Variants in MRE11 observed in about 807,000 individuals in gnomAD.
MRE11 encodes MRE11 double strand break repair nuclease.
A neutral mutation model predicts 91.7 loss-of-function variants in MRE11; 62 were observed. That is an observed-to-expected ratio of 0.68 (90% CI 0.55 to 0.84). The LOEUF is 0.84. Among genes scored for constraint, MRE11 ranks in the 40% least tolerant of loss-of-function variants. The probability of loss-of-function intolerance (pLI) is 0.00; values close to 1 mark genes in which losing one functional copy is unlikely to be tolerated. For synonymous variants in MRE11, 273 were observed against 271.4 expected (o/e 1.01, Z -0.06); for missense variants, 796 against 852.9 (o/e 0.93, Z 0.83).
chr11:94,485,281 A>AT (rs1163917652), intron 4 of MRE11, among the ~76,000 whole-genome samples: 3 of 152,114 alleles, frequency 2.0e-5, no homozygotes, highest in Non-Finnish European at 2.9e-5. Flanking sequence ...ACATGATGAT[A>AT]TTTTTATAAT....
chr11:94,492,439 A>G (rs1304622603), intron 2 of MRE11, among the ~76,000 whole-genome samples: 1 of 152,236 alleles, frequency 6.6e-6, no homozygotes, highest in Non-Finnish European at 1.5e-5. Flanking sequence ...AATTTACTCT[A>G]AAAATCTTAA....
upstream of MRE11, chr11:94,493,857 AC>A (rs1206779485): frequency 6.6e-6 from 1 of 152,204 alleles, no homozygotes; most frequent in African/African-American, 2.4e-5. Context: ...TTCTCTCGCG[AC>A]ACTTCATGGA....
chr11:94,447,530 C>T, intron 14 of MRE11, 92 bp from the exon 15 acceptor site: 1 of 1,282,554 alleles, frequency 7.8e-7, no homozygotes, highest in Admixed American at 1.8e-5. Context: ...ACTAATCATA[C>T]TATAAAAACA....
chr11:94,503,351 C>T, the MRE11 span, among the ~76,000 whole-genome samples: 2 of 152,088 alleles, frequency 1.3e-5, no homozygotes, highest in African/African-American at 2.4e-5. Context: ...TTATGGCACA[C>T]GAACATAGAT....
At chr11:94,454,230 T>G (rs1300595567) in intron 14 of MRE11, among the ~76,000 whole-genome samples, 1 of 151,918 alleles carries the variant, frequency 6.6e-6, no homozygotes, top group Non-Finnish European at 1.5e-5. Context: ...GGAGCTACCA[T>G]GCCTGGCTAA....
chr11:94,445,404 G>T (rs1176894967), intron 16 of MRE11, among the ~76,000 whole-genome samples: 2 of 152,210 alleles, frequency 1.3e-5, no homozygotes, highest in African/African-American at 4.8e-5. Context: ...CCAGTTCCTG[G>T]GTTCAAGTGA....
chr11:94,466,470 C>A, intron 10 of MRE11: 3 of 531,040 alleles, frequency 5.6e-6, no homozygotes, highest in African/African-American at 1.9e-5. Flanking sequence ...ACTATTTAAT[C>A]CATTTAGATC....
chr11:94,490,405 G>A (rs1040655965), intron 3 of MRE11, among the ~76,000 whole-genome samples: 3 of 152,054 alleles, frequency 2.0e-5, no homozygotes, highest in South Asian at 2.1e-4. Flanking sequence ...TAATCTAAAC[G>A]TGATTTTTTC....
At chr11:94,481,406 TGAAA>T (rs1177006158) in intron 4 of MRE11, among the ~76,000 whole-genome samples, 5 of 152,242 alleles carry the variant, frequency 3.3e-5, no homozygotes, top group African/African-American at 1.2e-4. Flanking sequence ...TTTATTGTCT[TGAAA>T]GAACTGCTTA....
At chr11:94,511,456 G>T in the MRE11 span, among the ~76,000 whole-genome samples, 1 of 152,128 alleles carries the variant, frequency 6.6e-6, no homozygotes, top group South Asian at 2.1e-4. Flanking sequence ...AATTGTCATA[G>T]TAATGTAAAC....
chr11:94,419,237 AAT>A lies in MRE11; in HGVS notation c.*886_*887del. On this transcript the variant is annotated 3_prime_UTR_variant, in exon 20 of 20. Transcript: ENST00000323929. ...ATCACAGGAACCAAAGTTGAGATAAAATATTGTTAATGAGAAATCCTGGCATT... is the reference window on the plus strand; with the variant it reads ...ATCACAGGAACCAAAGTTGAGATAAAATTGTTAATGAGAAATCCTGGCATT... 1 of 233,038 alleles carries A rather than the reference AAT, an allele frequency of 4.3e-6. No homozygotes were observed. The highest frequency in any genetic ancestry group is 8.5e-6 in the Non-Finnish European group (1 of 117,944). The allele number at this position is 233,038 out of a possible 1,614,324, so 14.4% of individuals were successfully genotyped here.
the MRE11 span, among the ~76,000 whole-genome samples, chr11:94,505,806 T>C: frequency 6.6e-6 from 1 of 152,186 alleles, no homozygotes; most frequent in East Asian, 1.9e-4. Context: ...AAGTACACAC[T>C]CTACAGGTGT....
At chr11:94,447,950 G>A (rs1187305852) in intron 14 of MRE11, among the ~76,000 whole-genome samples, 3 of 152,072 alleles carry the variant, frequency 2.0e-5, no homozygotes, top group African/African-American at 7.2e-5. Flanking sequence ...CCTATAAAAT[G>A]AGACCCTTTG....
At position 94,476,309 on chromosome 11, in the gene MRE11, T is replaced by A. The variant is rs756580084; in HGVS notation, c.639A>T (p.Leu213Phe). The A allele has an allele frequency of 6.2e-7, 1 of 1,612,428 alleles. No homozygotes were observed. The highest frequency in any genetic ancestry group is 8.5e-7 in the Non-Finnish European group (1 of 1,178,616). The change falls in exon 7 of 20, where the codon TTA becomes TTT. Residue 213 changes from leucine to phenylalanine, a missense_variant. Physicochemically the swap from Leu to Phe is conservative, Grantham distance 22. Coordinates refer to ENST00000323929, the MANE Select transcript of MRE11 (RefSeq NM_005591.4). ...TTTACCTGTTCTGATGAATCACAAA[T>A]AAGTTAAACCAAGAGTTCTCATCTT... ...PKEDENSWFN[L>F]FVIHQNRSKH...
chr11:94,421,130 G>A (rs1288303638), intron 19 of MRE11, among the ~76,000 whole-genome samples: 1 of 151,936 alleles, frequency 6.6e-6, no homozygotes, highest in Non-Finnish European at 1.5e-5. Flanking sequence ...TTTAATTAAA[G>A]AGAATGAAAA....
chr11:94,439,843 G>T (rs1182523661), intron 16 of MRE11, among the ~76,000 whole-genome samples: 1 of 152,180 alleles, frequency 6.6e-6, no homozygotes, highest in East Asian at 1.9e-4. Context: ...GAGAAGTCAG[G>T]ATCCAAACCA....
At chr11:94,436,588 C>A (rs1945622053) in intron 17 of MRE11, among the ~76,000 whole-genome samples, 1 of 152,164 alleles carries the variant, frequency 6.6e-6, no homozygotes, top group Non-Finnish European at 1.5e-5. Flanking sequence ...AACAGTGCTA[C>A]TATGGAGAAA....
At chr11:94,453,310 G>C (rs1946163209) in intron 14 of MRE11, among the ~76,000 whole-genome samples, 1 of 152,128 alleles carries the variant, frequency 6.6e-6, no homozygotes, top group Non-Finnish European at 1.5e-5. Context: ...ATAAGTTCCT[G>C]CTTTCAATTC....
chr11:94,423,178 T>C (rs1385045395), intron 19 of MRE11, among the ~76,000 whole-genome samples: 8 of 152,064 alleles, frequency 5.3e-5, no homozygotes, highest in Non-Finnish European at 1.2e-4. Flanking sequence ...AGAGAGGTGA[T>C]ACAAACTGGA....
Sources: allele counts gnomAD v4.1 joint callset (sites outside exome capture counted in the v4.1 genomes callset), GRCh38; gene constraint gnomAD v4.1.1; transcripts MANE v1.5; gene names NCBI Gene and HGNC (gene_info 2026-07-23, HGNC 2026-07-21).